NKAIN3: variants seen among roughly 807,000 people sequenced by gnomAD.
NKAIN3 encodes sodium/potassium-transporting ATPase subunit beta-1-interacting protein 3.
NKAIN3 carries 25 observed loss-of-function variants against 30.2 expected under a neutral mutation model. The ratio of observed to expected loss-of-function variants is 0.83; its 90% CI spans 0.60 to 1.16. The LOEUF is 1.16. Ranked by LOEUF, NKAIN3 falls within the 50% of genes most tolerant of loss-of-function variation. The pLI, the probability that NKAIN3 is intolerant of heterozygous loss-of-function variation, is 0.00. For synonymous variants in NKAIN3, 91 were observed against 89.6 expected (o/e 1.02, Z -0.09); for missense variants, 225 against 254.1 (o/e 0.89, Z 0.78).
At chr8:62,994,579 C>A (rs1319372252) in intron 5 of NKAIN3, among the ~76,000 whole-genome samples, 1 of 152,194 alleles carries the variant, frequency 6.6e-6, no homozygotes, top group Non-Finnish European at 1.5e-5. Context: ...TTCATTCATT[C>A]ATTAAATGTT....
intron 5 of NKAIN3, among the ~76,000 whole-genome samples, chr8:62,930,290 G>T (rs1822578912): frequency 6.6e-6 from 1 of 150,796 alleles, no homozygotes; most frequent in Admixed American, 6.6e-5. Context: ...TCTCATTCTT[G>T]TCCCCCAGGC....
intron 5 of NKAIN3, among the ~76,000 whole-genome samples, chr8:62,953,114 A>G (rs953582160): frequency 6.6e-6 from 1 of 151,810 alleles, no homozygotes; most frequent in Non-Finnish European, 1.5e-5. Flanking sequence ...TCCATTTAGC[A>G]AACTTGCTTG....
chr8:62,402,786 A>C (rs1803923771), intron 1 of NKAIN3, among the ~76,000 whole-genome samples: 1 of 152,208 alleles, frequency 6.6e-6, no homozygotes, highest in Non-Finnish European at 1.5e-5. Flanking sequence ...AGACTAATAC[A>C]GTAAATTGGT....
chr8:62,463,251 CTA>C (rs1265932275), intron 1 of NKAIN3, among the ~76,000 whole-genome samples: 1 of 152,114 alleles, frequency 6.6e-6, no homozygotes, highest in Non-Finnish European at 1.5e-5. Context: ...GTTTAAGAGA[CTA>C]TAGTAAATTT....
At chr8:62,754,541 T>C (rs1159390736) in intron 4 of NKAIN3, among the ~76,000 whole-genome samples, 2 of 152,174 alleles carry the variant, frequency 1.3e-5, no homozygotes, top group African/African-American at 4.8e-5. Flanking sequence ...ATATTCTCCC[T>C]CATATCTGAT....
intron 1 of NKAIN3, among the ~76,000 whole-genome samples, chr8:62,527,882 GGTGTGTGT>G (rs68020312): frequency 2.5e-4 from 36 of 143,798 alleles, no homozygotes; most frequent in African/African-American, 8.8e-4. Flanking sequence ...ACTTTTTTTT[GGTGTGTGT>G]GTGTGTGTGT....
At chr8:62,393,098 A>T (rs1031817406) in intron 1 of NKAIN3, among the ~76,000 whole-genome samples, 9 of 152,094 alleles carry the variant, frequency 5.9e-5, no homozygotes, top group Admixed American at 5.9e-4. Context: ...TTATGAAGAG[A>T]CACCAGAGTA....
At chr8:62,887,095 T>G (rs1357902518) in intron 4 of NKAIN3, among the ~76,000 whole-genome samples, 2 of 152,218 alleles carry the variant, frequency 1.3e-5, no homozygotes, top group African/African-American at 2.4e-5. Flanking sequence ...TTCCAAGTCT[T>G]TGCTATTGTA....
At chr8:62,719,725 T>C (rs1436906172) in intron 3 of NKAIN3, among the ~76,000 whole-genome samples, 1 of 151,596 alleles carries the variant, frequency 6.6e-6, no homozygotes, top group Non-Finnish European at 1.5e-5. Context: ...TTTCCTGTAA[T>C]CTTCTGCATA....
intron 5 of NKAIN3, among the ~76,000 whole-genome samples, chr8:62,930,829 G>A (rs565515588): frequency 4.0e-5 from 6 of 151,336 alleles, no homozygotes; most frequent in African/African-American, 9.7e-5. Context: ...TCAGCCTCCC[G>A]AGTAGCTGGG....
rs137934773 is a variant in NKAIN3 at position 62,537,642 on chromosome 8, T to C, written c.55-41897T>C. On this transcript the variant is annotated intron_variant, in intron 1 of 6. Coordinates refer to ENST00000623646, the MANE Select transcript of NKAIN3 (RefSeq NM_001304533.3). ...TGCATTTTGTTATATCTAGTAATGC[T>C]TTAATGCCCCCTTTTGTTTATTCAA... 1.8e-3 allele frequency among the ~76,000 whole-genome samples: 275 copies of C among 152,152 alleles called. 1 individual carries two copies. The highest frequency in any genetic ancestry group is 6.3e-3 in the African/African-American group (263 of 41,498).
chr8:62,546,018 A>T (rs34122427), intron 1 of NKAIN3, among the ~76,000 whole-genome samples: 61,471 of 152,024 alleles, frequency 0.4, 13,277 homozygotes, highest in Non-Finnish European at 0.5. Context: ...TTTTATTTTA[A>T]TATACATTTC....
At chr8:62,784,354 A>G (rs1817450222) in intron 4 of NKAIN3, among the ~76,000 whole-genome samples, 1 of 152,048 alleles carries the variant, frequency 6.6e-6, no homozygotes, top group Non-Finnish European at 1.5e-5. Context: ...GCTACTTTCA[A>G]AAGACCAACA....
At position 62,957,862 on chromosome 8, in the gene NKAIN3, C is replaced by T. The variant is rs142063452; in HGVS notation, c.603+3890C>T. On this transcript the variant is annotated intron_variant, in intron 6 of 6. Transcript: ENST00000623646. ...GAATCCTAATGTAAACGATAGGCTT[C>T]GAGTGACTATATCAGTGTAGATTCA... 4.0e-4 allele frequency among the ~76,000 whole-genome samples: 61 copies of T among 152,210 alleles called. No individual in the cohort carries two copies. In the East Asian group the frequency reaches 8.7e-3, roughly 22 times the overall value.
chr8:62,854,821 G>A (rs1344864602), intron 4 of NKAIN3, among the ~76,000 whole-genome samples: 1 of 152,114 alleles, frequency 6.6e-6, no homozygotes. Context: ...ATATGTTTTT[G>A]TAATGGCTGG....
intron 1 of NKAIN3, among the ~76,000 whole-genome samples, chr8:62,546,543 T>TAA (rs1159990771): frequency 2.0e-5 from 3 of 152,188 alleles, no homozygotes; most frequent in African/African-American, 7.2e-5. Flanking sequence ...GTTATAGCAG[T>TAA]AATTACTTCT....
chr8:62,924,440 T>A (rs1320981150), intron 5 of NKAIN3, among the ~76,000 whole-genome samples: 1 of 151,690 alleles, frequency 6.6e-6, no homozygotes, highest in Non-Finnish European at 1.5e-5. Context: ...AACCCTACAC[T>A]ATTTTCAATG....
At chr8:62,889,450 A>G (rs1821238472) in intron 4 of NKAIN3, among the ~76,000 whole-genome samples, 2 of 152,186 alleles carry the variant, frequency 1.3e-5, no homozygotes, top group South Asian at 2.1e-4. Context: ...AAGACCACCA[A>G]AATAATGTAA....
intron 5 of NKAIN3, among the ~76,000 whole-genome samples, chr8:62,997,427 T>A (rs1056401947): frequency 2.0e-5 from 3 of 152,100 alleles, no homozygotes; most frequent in Non-Finnish European, 4.4e-5. Context: ...TTGGGTTTGT[T>A]TTAATTAAAA....
Sources: gnomAD v4.1 joint callset for allele counts (sites outside exome capture counted in the v4.1 genomes callset) on GRCh38, gnomAD v4.1.1 for gene constraint, MANE v1.5 for transcripts, NCBI Gene and HGNC (gene_info 2026-07-23, HGNC 2026-07-21) for gene names.